CADM2: variants seen among roughly 807,000 people sequenced by gnomAD.
The protein encoded by CADM2 is immunoglobulin superfamily member 4D.
In CADM2, 12 loss-of-function variants were observed where a neutral mutation model predicts 49.8. The ratio of observed to expected loss-of-function variants is 0.24; its 90% CI spans 0.15 to 0.39. The LOEUF (loss-of-function observed/expected upper bound fraction) is 0.39, where lower values mean the gene tolerates loss of function less well. CADM2 is among the 10% of genes least tolerant of loss of function. The pLI is 1.00. For synonymous variants in CADM2, 214 were observed against 175.4 expected (o/e 1.22, Z -1.74); for missense variants, 378 against 492.3 (o/e 0.77, Z 2.20).
intron 8 of CADM2, among the ~76,000 whole-genome samples, chr3:86,048,059 T>TA (rs1405287418): frequency 6.6e-6 from 1 of 152,140 alleles, no homozygotes; most frequent in Non-Finnish European, 1.5e-5. Context: ...TTAATATGTA[T>TA]AAAAAACATT....
intron 1 of CADM2, among the ~76,000 whole-genome samples, chr3:85,405,444 G>C (rs929441628): frequency 6.6e-6 from 1 of 152,114 alleles, no homozygotes; most frequent in Non-Finnish European, 1.5e-5. Context: ...CATGGCGCCC[G>C]TCAGTGGCGG....
chr3:86,024,982 G>A (rs745844073), intron 8 of CADM2, among the ~76,000 whole-genome samples: 13 of 151,826 alleles, frequency 8.6e-5, no homozygotes, highest in African/African-American at 1.5e-4. Flanking sequence ...AGGCTCAAGC[G>A]ATTCTCATGC....
At chr3:85,701,875 A>AGATAGATAGATAGAT (rs1176775327) in intron 1 of CADM2, among the ~76,000 whole-genome samples, 3 of 103,408 alleles carry the variant, frequency 2.9e-5, no homozygotes, top group Non-Finnish European at 7.6e-5. Context: ...ATAGATAGAT[A>AGATAGATAGATAGAT]GATAGATAGA....
intron 1 of CADM2, among the ~76,000 whole-genome samples, chr3:85,213,137 C>T (rs61262505): frequency 1.3e-5 from 2 of 151,918 alleles, no homozygotes; most frequent in Non-Finnish European, 2.9e-5. Context: ...CCTACCTTGG[C>T]TGCCCAAAGT....
chr3:85,399,973 C>A (rs1385105321), intron 1 of CADM2, among the ~76,000 whole-genome samples: 2 of 150,864 alleles, frequency 1.3e-5, no homozygotes, highest in African/African-American at 2.4e-5. Context: ...TTTCTCCTGC[C>A]TGATTCACTA....
intron 8 of CADM2, among the ~76,000 whole-genome samples, chr3:86,044,273 C>G (rs1736347851): frequency 6.6e-6 from 1 of 152,160 alleles, no homozygotes; most frequent in African/African-American, 2.4e-5. Context: ...AGTGAACAGG[C>G]AACCCACAGA....
chr3:85,049,476 G>T (rs762885470), intron 1 of CADM2, among the ~76,000 whole-genome samples: 3 of 151,504 alleles, frequency 2.0e-5, no homozygotes, highest in Non-Finnish European at 4.4e-5. Context: ...TCAGCCTCCC[G>T]AGTAACTGGG....
At chr3:84,975,220 A>G (rs1057359755) in intron 1 of CADM2, among the ~76,000 whole-genome samples, 16 of 152,006 alleles carry the variant, frequency 1.1e-4, no homozygotes, top group Admixed American at 5.2e-4. Flanking sequence ...ACAGTTATTT[A>G]AAACAAAATA....
chr3:85,961,709 T>C, intron 8 of CADM2, 62 bp downstream of exon 8: 3 of 1,279,030 alleles, frequency 2.3e-6, no homozygotes, highest in Non-Finnish European at 3.1e-6. Context: ...ACTATTTAAA[T>C]ATATCAGAAT....
intron 1 of CADM2, among the ~76,000 whole-genome samples, chr3:85,305,333 TTACTC>T (rs1414080343): frequency 6.6e-6 from 1 of 151,664 alleles, no homozygotes; most frequent in Non-Finnish European, 1.5e-5. Context: ...AAAATCCACA[TTACTC>T]TTCTCTTTCT....
At chr3:85,454,823 C>T (rs1188112159) in intron 1 of CADM2, among the ~76,000 whole-genome samples, 2 of 146,452 alleles carry the variant, frequency 1.4e-5, no homozygotes, top group Non-Finnish European at 3.0e-5. Context: ...TGATATTAAT[C>T]AGTAAGCAAA....
chr3:85,376,671 G>A (rs763818748), intron 1 of CADM2, among the ~76,000 whole-genome samples: 2 of 151,834 alleles, frequency 1.3e-5, no homozygotes, highest in Non-Finnish European at 2.9e-5. Context: ...TCACTAATGC[G>A]ACATCCTGAT....
chr3:85,128,275 C>T (rs893687213), intron 1 of CADM2, among the ~76,000 whole-genome samples: 1 of 152,002 alleles, frequency 6.6e-6, no homozygotes, highest in Non-Finnish European at 1.5e-5. Flanking sequence ...ATTTATAATG[C>T]CTAATTTTCT....
chr3:85,233,265 C>T (rs142731793), intron 1 of CADM2, among the ~76,000 whole-genome samples: 2 of 152,138 alleles, frequency 1.3e-5, no homozygotes, highest in African/African-American at 4.8e-5. Context: ...AGGTGGCGTA[C>T]AGGGTGGTTT....
At chr3:85,140,167 C>T (rs1011993378) in intron 1 of CADM2, among the ~76,000 whole-genome samples, 6 of 152,176 alleles carry the variant, frequency 3.9e-5, no homozygotes, top group African/African-American at 1.4e-4. Flanking sequence ...TCAAAAGCCT[C>T]CCACTCTACC....
At chr3:85,525,592 A>G (rs62252466) in intron 1 of CADM2, among the ~76,000 whole-genome samples, 78,303 of 152,036 alleles carry the variant, frequency 0.52, 23,140 homozygotes, top group East Asian at 0.85. Flanking sequence ...ATTTTTATCA[A>G]TGTGATAATC....
intron 8 of CADM2, among the ~76,000 whole-genome samples, chr3:86,005,859 AC>A (rs1412295096): frequency 6.6e-6 from 1 of 151,204 alleles, no homozygotes; most frequent in African/African-American, 2.4e-5. Flanking sequence ...CTCCCCCGCA[AC>A]CCCCCGACAG....
chr3:85,920,504 A>G (rs1718962111), intron 6 of CADM2, among the ~76,000 whole-genome samples: 1 of 151,850 alleles, frequency 6.6e-6, no homozygotes, highest in Admixed American at 6.6e-5. Context: ...TAAGAGATGC[A>G]TTTCATTATG....
intron 8 of CADM2, among the ~76,000 whole-genome samples, chr3:85,998,197 T>C (rs1270971284): frequency 1.3e-5 from 2 of 152,262 alleles, no homozygotes; most frequent in Admixed American, 6.5e-5. Flanking sequence ...AGATTTTGGA[T>C]ATAGCATATG....
Sources: gnomAD v4.1 joint callset for allele counts (sites outside exome capture counted in the v4.1 genomes callset) on GRCh38, gnomAD v4.1.1 for gene constraint, MANE v1.5 for transcripts, NCBI Gene and HGNC (gene_info 2026-07-23, HGNC 2026-07-21) for gene names.